The following PCDHA4 variants were observed in gnomAD, a reference collection of about 807,000 sequenced individuals.
PCDHA4 encodes the protein protocadherin alpha-4.
Under a neutral mutation model 61.4 loss-of-function variants are expected in PCDHA4, and 49 were observed. That is an observed-to-expected ratio of 0.80 (90% CI 0.63 to 1.01). The LOEUF (loss-of-function observed/expected upper bound fraction) is 1.01. Ranked by LOEUF, PCDHA4 falls within the 50% of genes least tolerant of loss-of-function variation. The pLI is 0.00. For synonymous variants in PCDHA4, 590 were observed against 550.3 expected, an observed-to-expected ratio of 1.07 and a Z score of -1.01; for missense variants, 1,254 against 1,235.8, an observed-to-expected ratio of 1.01 and a Z score of -0.22.
chr5:140,905,918 T>G (rs536445399), intron 1 of PCDHA4, among the ~76,000 whole-genome samples: 1 of 152,280 alleles, frequency 6.6e-6, no homozygotes, highest in Non-Finnish European at 1.5e-5. Context: ...GAATCCAATC[T>G]GAGTCCCAAA....
intron 1 of PCDHA4, chr5:140,884,108 G>A (rs782424793): frequency 3.1e-6 from 5 of 1,613,286 alleles, no homozygotes; most frequent in Admixed American, 3.3e-5. Context: ...ATTGCAGCTG[G>A]CGGCGGTCGG....
chr5:140,920,204 G>A (rs185996994), intron 1 of PCDHA4, among the ~76,000 whole-genome samples: 3 of 152,222 alleles, frequency 2.0e-5, no homozygotes, highest in Admixed American at 1.3e-4. Context: ...AGCAGCCACA[G>A]AAAACCAATG....
At chr5:140,827,922 C>A in intron 1 of PCDHA4, 1 of 952,492 alleles carries the variant, frequency 1.0e-6, no homozygotes, top group Non-Finnish European at 1.6e-6. Context: ...TCGCTGTCTA[C>A]CATGAAGTTA....
At chr5:140,909,972 T>C (rs948733470) in intron 1 of PCDHA4, among the ~76,000 whole-genome samples, 1 of 152,220 alleles carries the variant, frequency 6.6e-6, no homozygotes. Context: ...TGGGGAAGGA[T>C]GGGAGAAAGA....
chr5:140,846,555 T>C (rs1780556402), intron 1 of PCDHA4, among the ~76,000 whole-genome samples: 1 of 148,312 alleles, frequency 6.7e-6, no homozygotes, highest in Non-Finnish European at 1.5e-5. Flanking sequence ...TTTGTATTTT[T>C]AGTAGAGTCG....
intron 1 of PCDHA4, chr5:140,823,703 G>C: frequency 6.2e-7 from 1 of 1,613,934 alleles, no homozygotes; most frequent in Non-Finnish European, 8.5e-7. Context: ...GAAGCACCGC[G>C]CCACCGCCTT....
intron 1 of PCDHA4, chr5:140,836,241 A>C: frequency 6.2e-7 from 1 of 1,613,778 alleles, no homozygotes; most frequent in Non-Finnish European, 8.5e-7. Context: ...CGGTGCGAGC[A>C]TCCCGTTCCG....
chr5:140,930,747 CAT>C (rs2087070106), intron 1 of PCDHA4, among the ~76,000 whole-genome samples: 1 of 152,116 alleles, frequency 6.6e-6, no homozygotes, highest in Non-Finnish European at 1.5e-5. Context: ...AATAAATTTA[CAT>C]ATGTTAAAAT....
At chr5:140,810,574 T>C (rs1764686543) in intron 1 of PCDHA4, 1 of 152,248 alleles carries the variant, frequency 6.6e-6, no homozygotes, top group African/African-American at 2.4e-5. Context: ...TAAATGAAGT[T>C]GAGTACCTTT....
At chr5:140,850,703 G>A (rs1191486729) in intron 1 of PCDHA4, 2 of 1,598,114 alleles carry the variant, frequency 1.3e-6, no homozygotes, top group African/African-American at 2.7e-5. Flanking sequence ...CGCCTGGCAA[G>A]CCGACGCTGG....
At chr5:140,900,130 C>T (rs1156261230) in intron 1 of PCDHA4, among the ~76,000 whole-genome samples, 1 of 152,084 alleles carries the variant, frequency 6.6e-6, no homozygotes, top group East Asian at 1.9e-4. Flanking sequence ...TTTTAGGTAC[C>T]ACAAATAAGT....
intron 1 of PCDHA4, chr5:140,926,320 C>G (rs555057115): frequency 2.5e-3 from 377 of 152,358 alleles, no homozygotes; most frequent in Non-Finnish European, 3.8e-3. Flanking sequence ...AGAGGTGCGC[C>G]GGGGTCAGAG....
chr5:140,843,493 A>T, intron 1 of PCDHA4: 1 of 1,595,930 alleles, frequency 6.3e-7, no homozygotes, highest in Non-Finnish European at 8.6e-7. Context: ...TGCGGTGCTC[A>T]GCACTGCCCA....
chr5:140,962,796 A>T (rs1248367259), intron 1 of PCDHA4, among the ~76,000 whole-genome samples: 1 of 152,222 alleles, frequency 6.6e-6, no homozygotes, highest in Non-Finnish European at 1.5e-5. Flanking sequence ...ACTACTTTGG[A>T]CAACTCTAAA....
intron 1 of PCDHA4, chr5:140,821,592 C>G: frequency 1.5e-6 from 1 of 669,672 alleles, no homozygotes; most frequent in Non-Finnish European, 2.4e-6. Flanking sequence ...CCCTTCCCAG[C>G]CTCAAAGGAA....
chr5:140,896,404 G>T (rs1003824556), intron 1 of PCDHA4, among the ~76,000 whole-genome samples: 4 of 151,996 alleles, frequency 2.6e-5, no homozygotes, highest in Admixed American at 2.6e-4. Context: ...TGTTATTTTT[G>T]ACTTTTTAGT....
chr5:140,921,631 T>A (rs1435281144), intron 1 of PCDHA4, among the ~76,000 whole-genome samples: 1 of 152,206 alleles, frequency 6.6e-6, no homozygotes, highest in East Asian at 1.9e-4. Flanking sequence ...ATCATCATTA[T>A]GGTAGCTATT....
At chr5:140,881,523 C>T in intron 1 of PCDHA4, 1 of 194,568 alleles carries the variant, frequency 5.1e-6, no homozygotes, top group Non-Finnish European at 9.4e-6. Context: ...AAATCCCACA[C>T]ATATTGACTG....
At chr5:140,841,320 A>T in intron 1 of PCDHA4, 1 of 1,602,072 alleles carries the variant, frequency 6.2e-7, no homozygotes, top group African/African-American at 1.3e-5. Context: ...CGACTATTTA[A>T]CATGGATTAT....
Sources: gnomAD v4.1 joint callset for allele counts (sites outside exome capture counted in the v4.1 genomes callset) on GRCh38, gnomAD v4.1.1 for gene constraint, MANE v1.5 for transcripts, NCBI Gene and HGNC (gene_info 2026-07-23, HGNC 2026-07-21) for gene names.